Variants in CFAP97 observed in about 807,000 individuals in gnomAD.
The protein encoded by CFAP97 is cilia- and flagella-associated protein 97.
A neutral mutation model predicts 43.1 loss-of-function variants in CFAP97; 36 were observed. That is an observed-to-expected ratio of 0.84 (90% CI 0.64 to 1.10). CFAP97 has a LOEUF of 1.10. Ranked by LOEUF, CFAP97 falls within the 50% of genes least tolerant of loss-of-function variation. CFAP97 has a pLI of 0.00. For missense variants in CFAP97, 657 were observed against 620.3 expected, an observed-to-expected ratio of 1.06 and a Z score of -0.63; for synonymous variants, 228 against 225.7, an observed-to-expected ratio of 1.01 and a Z score of -0.09.
At chr4:185,163,399 C>T (rs759484961) in intron 4 of CFAP97, among the ~76,000 whole-genome samples, 1 of 151,930 alleles carries the variant, frequency 6.6e-6, no homozygotes, top group Non-Finnish European at 1.5e-5. Flanking sequence ...GTTTGGTATT[C>T]CCTTCTATTT....
chr4:185,175,238 T>C (rs1251043861), intron 3 of CFAP97, among the ~76,000 whole-genome samples: 1 of 149,058 alleles, frequency 6.7e-6, no homozygotes, highest in East Asian at 2.0e-4. Context: ...AATGGTCTCC[T>C]TCTCTCTCTC....
chr4:185,200,894 AG>A (rs958517487), intron 1 of CFAP97, among the ~76,000 whole-genome samples: 3 of 152,246 alleles, frequency 2.0e-5, no homozygotes, highest in Admixed American at 6.5e-5. Context: ...CAAAGAAAGT[AG>A]TTTCTTGAGA....
At chr4:185,166,975 A>AT (rs35531557) in intron 3 of CFAP97, among the ~76,000 whole-genome samples, 61,308 of 151,558 alleles carry the variant, frequency 0.4, 14,504 homozygotes, top group East Asian at 0.57. Flanking sequence ...ACATTATGAG[A>AT]TTTTTTTTTG....
At chr4:185,177,007 C>A (rs931837676) in intron 2 of CFAP97, among the ~76,000 whole-genome samples, 2 of 152,136 alleles carry the variant, frequency 1.3e-5, no homozygotes, top group African/African-American at 4.8e-5. Context: ...ATGCTTATTT[C>A]TTAAATTTCC....
chr4:185,189,184 C>A (rs1322448575), intron 2 of CFAP97, among the ~76,000 whole-genome samples: 1 of 152,196 alleles, frequency 6.6e-6, no homozygotes, highest in Non-Finnish European at 1.5e-5. Flanking sequence ...CTGCAGTGAG[C>A]TGTGGTCACG....
Position 185,203,904 on chromosome 4 carries a change from G to A in CFAP97, c.-23C>T, listed in dbSNP as rs971158896. On this transcript the variant is annotated 5_prime_UTR_variant, in exon 1 of 5. Transcript: ENST00000458385. ...CCGCTCGCGCGCCCCTCACCTGAGA[G>A]CCGCGGCCACCACAGCCCCACGCGC... 21 of 151,826 alleles carry A rather than the reference G, an allele frequency of 1.4e-4. No individual in the cohort carries two copies. The highest frequency in any genetic ancestry group is 4.6e-4 in the African/African-American group (19 of 41,370). The allele number at this position is 151,826 out of a possible 1,614,324, so 9.4% of individuals were successfully genotyped here.
chr4:185,199,731 G>A (rs557643701), intron 1 of CFAP97, among the ~76,000 whole-genome samples: 61 of 152,274 alleles, frequency 4.0e-4, no homozygotes, highest in African/African-American at 1.2e-3. Context: ...TACTCTGCCT[G>A]TGGTCTATAT....
Position 185,209,363 on chromosome 4 carries a change from CA to C in CFAP97, c.-113del. On this transcript the variant is annotated 5_prime_UTR_variant, in exon 1 of 3. Coordinates refer to the CFAP97 transcript ENST00000503223. The surrounding 1 kb of genome is among the most constrained non-coding windows in gnomAD (Gnocchi z 5.2). ...TTACCAGCGCCGCTGACACCTGCAG[CA>C]AAATTTTCCATGAACAGACGGCATC... The C allele has an allele frequency of 6.6e-6, 1 of 152,582 alleles. No individual in the cohort carries two copies. The highest frequency in any genetic ancestry group is 1.5e-5 in the Non-Finnish European group (1 of 68,204). The allele number at this position is 152,582 out of a possible 1,614,324, so 9.5% of individuals were successfully genotyped here.
intron 1 of CFAP97, among the ~76,000 whole-genome samples, chr4:185,202,374 C>A (rs943276959): frequency 6.6e-6 from 1 of 152,062 alleles, no homozygotes; most frequent in Admixed American, 6.5e-5. Context: ...CATGGCCAAA[C>A]CCCACCTCTA....
intron 3 of CFAP97, among the ~76,000 whole-genome samples, chr4:185,174,533 C>A (rs1178505939): frequency 6.6e-6 from 1 of 152,158 alleles, no homozygotes; most frequent in Non-Finnish European, 1.5e-5. Context: ...TATGGTTACA[C>A]AGGAAAACAC....
intron 2 of CFAP97, among the ~76,000 whole-genome samples, chr4:185,183,377 T>TA (rs1280769058): frequency 6.6e-6 from 1 of 152,190 alleles, no homozygotes; most frequent in Non-Finnish European, 1.5e-5. Flanking sequence ...CTCCCCATAC[T>TA]AAGTGGATTT....
chr4:185,175,948 C>A lies in CFAP97; in HGVS notation c.1158G>T (p.Gln386His), dbSNP rs377617878. Residue 386 changes from glutamine (Q) to histidine (H), a missense_variant, in exon 3 of 5, where the codon CAG becomes CAT. Physicochemically the swap from Gln to His is conservative, Grantham distance 24 (BLOSUM62 0). Coordinates refer to ENST00000458385, the MANE Select transcript of CFAP97 (RefSeq NM_020827.3). ...NYSFTREEVR[Q>H]IDRENQRLLK... is the part of the protein sequence containing the mutation. ...AAAGCCTCTGATTTTCCCGATCGATCTGTCTCACCTCTTCTCTTGTGAAAG... is the reference window on the plus strand; with the variant it reads ...AAAGCCTCTGATTTTCCCGATCGATATGTCTCACCTCTTCTCTTGTGAAAG... 615 of 1,613,870 alleles carry A rather than the reference C, an allele frequency of 3.8e-4. 5 individuals are homozygous for A. The highest frequency in any genetic ancestry group is 3.6e-3 in the South Asian group (324 of 91,066).
At chr4:185,170,280 A>G in intron 3 of CFAP97, 1 of 657,662 alleles carries the variant, frequency 1.5e-6, no homozygotes, top group Non-Finnish European at 2.8e-6. Context: ...CAGGAGATGG[A>G]GGCTGCAAGG....
At chr4:185,183,811 A>C (rs953264184) in intron 2 of CFAP97, among the ~76,000 whole-genome samples, 1 of 152,190 alleles carries the variant, frequency 6.6e-6, no homozygotes, top group African/African-American at 2.4e-5. Context: ...AAAAGCCCTG[A>C]GCGCCACCTA....
chr4:185,190,930 T>TA lies in CFAP97; in HGVS notation c.266dup (p.Ser90LysfsTer16), dbSNP rs771359511. On this transcript the variant is annotated frameshift_variant, in exon 2 of 5. Transcript: ENST00000458385. LOFTEE classifies it high-confidence loss of function. ...AAGAGGCTGGCAATGAGAAAGAACT[T>TA]ACAGTTTGTGTAACATCATTCTCTA... The TA allele has an allele frequency of 6.2e-7, 1 of 1,613,772 alleles. No individual in the cohort carries two copies. Among genetic ancestry groups the TA allele is most frequent in the Admixed American group, 1.7e-5 (1 of 59,976 alleles).
In CFAP97 at chr4:185,203,919, G is replaced by A. The variant is rs972827766; in HGVS notation, c.-38C>T. ...TCACCTGAGAGCCGCGGCCACCACA[G>A]CCCCACGCGCGGCGCTGGCGCACTC... is the stretch of plus-strand genomic sequence containing the variant. On this transcript the variant is annotated 5_prime_UTR_variant, in exon 1 of 5. Coordinates refer to ENST00000458385, the MANE Select transcript of CFAP97 (RefSeq NM_020827.3). The A allele has an allele frequency of 6.6e-6, 1 of 151,716 alleles. No individual in the cohort carries two copies. The highest frequency in any genetic ancestry group is 1.5e-5 in the Non-Finnish European group (1 of 67,924). The allele number at this position is 151,716 out of a possible 1,614,324, so 9.4% of individuals were successfully genotyped here. A position where few individuals can be genotyped will look rare whatever the true frequency, so the allele number is the denominator to read the frequency against.
upstream of CFAP97, among the ~76,000 whole-genome samples, chr4:185,206,612 T>C (rs1409224428): frequency 2.2e-5 from 3 of 137,570 alleles, no homozygotes; most frequent in African/African-American, 8.1e-5. Context: ...TGAGCCGAGA[T>C]TGCGCCATTG....
chr4:185,208,169 C>A (rs960516316), upstream of CFAP97, among the ~76,000 whole-genome samples: 3 of 152,002 alleles, frequency 2.0e-5, no homozygotes, highest in Admixed American at 6.5e-5. Context: ...AGTGCAATGG[C>A]GCGATGTCGG....
At chr4:185,210,013 G>T, upstream of CFAP97, 1 of 983,900 alleles carries the variant, frequency 1.0e-6, no homozygotes, top group South Asian at 4.7e-5. This position sits in a 1 kb window ranked among gnomAD's most constrained non-coding sequence, Gnocchi z 4.4. Flanking sequence ...GCCCGTGGCG[G>T]TGGCCGCACT....
Sources: gnomAD v4.1 joint callset for allele counts (sites outside exome capture counted in the v4.1 genomes callset) on GRCh38, gnomAD v4.1.1 for gene constraint, Gnocchi (gnomAD v3.1) non-coding constraint, MANE v1.5 for transcripts, NCBI Gene and HGNC (gene_info 2026-07-23, HGNC 2026-07-21) for gene names.